Variants in RBFOX2 observed in about 807,000 individuals in gnomAD.
The protein encoded by RBFOX2 is RNA binding fox-1 homolog 2, also known as RNA binding protein fox-1 homolog 2.
Under a neutral mutation model 49.1 loss-of-function variants are expected in RBFOX2, and 10 were observed. The observed-to-expected ratio is 0.20, with a 90% CI of 0.13 to 0.35. The LOEUF (loss-of-function observed/expected upper bound fraction) is 0.35. Among genes scored for constraint, RBFOX2 ranks in the 10% least tolerant of loss-of-function variants. The probability of loss-of-function intolerance (pLI) is 1.00; values close to 1 mark genes in which losing one functional copy is unlikely to be tolerated. For synonymous variants in RBFOX2, 183 were observed against 187.4 expected (o/e 0.98, Z 0.19); for missense variants, 323 against 486.9 (o/e 0.66, Z 3.17).
chr22:35,820,296 T>A (rs534319437), intron 1 of RBFOX2, among the ~76,000 whole-genome samples: 5 of 152,324 alleles, frequency 3.3e-5, no homozygotes, highest in African/African-American at 1.2e-4. Flanking sequence ...TCAGCTGAGA[T>A]GAAGAGGGTT....
At chr22:35,942,482 A>G (rs1041799335), upstream of RBFOX2, among the ~76,000 whole-genome samples, 1 of 152,088 alleles carries the variant, frequency 6.6e-6, no homozygotes, top group Non-Finnish European at 1.5e-5. Context: ...AGGAAAAAAA[A>G]CCTCAGTTTC....
intron 1 of RBFOX2, among the ~76,000 whole-genome samples, chr22:35,858,293 C>G (rs1055194689): frequency 6.6e-6 from 1 of 152,120 alleles, no homozygotes; most frequent in Non-Finnish European, 1.5e-5. Context: ...TTGGTTTTGG[C>G]CTCTGTGCCT....
intron 1 of RBFOX2, among the ~76,000 whole-genome samples, chr22:35,849,467 T>C (rs2041650477): frequency 6.6e-6 from 1 of 152,200 alleles, no homozygotes; most frequent in Non-Finnish European, 1.5e-5. Context: ...AGCTAGGCTC[T>C]GAATGGTACC....
chr22:35,850,532 C>T (rs576409711), intron 1 of RBFOX2, among the ~76,000 whole-genome samples: 1 of 152,252 alleles, frequency 6.6e-6, no homozygotes, highest in East Asian at 1.9e-4. Flanking sequence ...TCCAGTCAAA[C>T]TTGGAAGGAT....
chr22:35,777,206 T>C (rs1602563091), intron 4 of RBFOX2, among the ~76,000 whole-genome samples: 2 of 152,134 alleles, frequency 1.3e-5, no homozygotes, highest in Non-Finnish European at 2.9e-5. Context: ...GAGACAGAGT[T>C]TCACCATGTT....
intron 1 of RBFOX2, among the ~76,000 whole-genome samples, chr22:35,948,328 C>T (rs1383632761): frequency 6.6e-6 from 1 of 152,072 alleles, no homozygotes; most frequent in Non-Finnish European, 1.5e-5. Context: ...TTTACAAATC[C>T]ACTTTGTTCT....
upstream of RBFOX2, among the ~76,000 whole-genome samples, chr22:35,843,291 C>T (rs564271919): frequency 6.6e-6 from 1 of 152,072 alleles, no homozygotes; most frequent in African/African-American, 2.4e-5. Context: ...AGGGTGGGCA[C>T]GATGAGATGT....
At chr22:35,810,683 C>G (rs1951701564) in intron 1 of RBFOX2, among the ~76,000 whole-genome samples, 1 of 151,982 alleles carries the variant, frequency 6.6e-6, no homozygotes, top group South Asian at 2.1e-4. Context: ...ATCAAATCAG[C>G]AAAAAAATTA....
exon 12 of RBFOX2, chr22:35,741,706 G>A (rs1930035839): frequency 6.5e-6 from 1 of 152,806 alleles, no homozygotes; most frequent in Non-Finnish European, 1.5e-5. Flanking sequence ...GCTTGCCTTT[G>A]GAGGCCTCAG....
chr22:35,749,162 G>A lies in RBFOX2; in HGVS notation c.888-2601C>T, dbSNP rs1446218168. Among the ~76,000 whole-genome samples the A allele has an allele frequency of 6.6e-6, 1 of 152,160 alleles. No homozygotes were observed. The highest frequency in any genetic ancestry group is 1.5e-5 in the Non-Finnish European group (1 of 68,020). ...TCTATCTGTAGCGGTTTCCTTCTTT[G>A]ATAAGTCAAGTCTGACTTTGAAGTT... On this transcript the variant is annotated intron_variant, in intron 9 of 11. Transcript: ENST00000405409. The surrounding 1 kb of genome is among the most constrained non-coding windows in gnomAD (Gnocchi z 4.1).
At chr22:35,793,036 T>A (rs1342089970) in intron 2 of RBFOX2, among the ~76,000 whole-genome samples, 1 of 152,176 alleles carries the variant, frequency 6.6e-6, no homozygotes, top group Admixed American at 6.5e-5. Flanking sequence ...GTTGCTGGGA[T>A]TACAGGTGCA....
intron 2 of RBFOX2, among the ~76,000 whole-genome samples, chr22:35,790,786 C>A (rs757676129): frequency 4.6e-5 from 7 of 152,190 alleles, no homozygotes; most frequent in Non-Finnish European, 8.8e-5. Context: ...TTCCAGCACT[C>A]TAGGAGGCCC....
At chr22:35,970,248 C>CA (rs1003387153) in intron 1 of RBFOX2, among the ~76,000 whole-genome samples, 7 of 152,164 alleles carry the variant, frequency 4.6e-5, no homozygotes, top group Admixed American at 2.0e-4. Context: ...AAAAATATCC[C>CA]AAAAAAATCA....
chr22:35,825,580 G>A (rs1446679639), intron 1 of RBFOX2, among the ~76,000 whole-genome samples: 1 of 152,222 alleles, frequency 6.6e-6, no homozygotes, highest in African/African-American at 2.4e-5. Flanking sequence ...TGCAATGAAT[G>A]TACTATTTGT....
At chr22:35,835,395 T>C (rs1424282814) in intron 1 of RBFOX2, among the ~76,000 whole-genome samples, 1 of 152,120 alleles carries the variant, frequency 6.6e-6, no homozygotes, top group Non-Finnish European at 1.5e-5. Context: ...AGGTAAGGAA[T>C]TACATGATGA....
chr22:35,816,112 C>A (rs1429460711), intron 1 of RBFOX2, among the ~76,000 whole-genome samples: 1 of 151,992 alleles, frequency 6.6e-6, no homozygotes, highest in Non-Finnish European at 1.5e-5. Flanking sequence ...CCAGGAAAAT[C>A]CAGATAAATA....
intron 1 of RBFOX2, among the ~76,000 whole-genome samples, chr22:35,891,280 C>T (rs1161106818): frequency 1.3e-5 from 2 of 152,076 alleles, no homozygotes; most frequent in Non-Finnish European, 2.9e-5. Context: ...ACTACAGGTG[C>T]GTGCCACCAT....
intron 1 of RBFOX2, among the ~76,000 whole-genome samples, chr22:36,027,447 C>T (rs888063645): frequency 3.9e-5 from 6 of 152,192 alleles, no homozygotes; most frequent in African/African-American, 1.4e-4. Context: ...TTCCCATTCC[C>T]TACCCAAATT....
intron 9 of RBFOX2, among the ~76,000 whole-genome samples, chr22:35,753,866 T>C (rs1287036711): frequency 1.5e-5 from 2 of 133,522 alleles, no homozygotes; most frequent in African/African-American, 5.5e-5. Context: ...CACTGCAACC[T>C]CTGCCTCCAG....
Sources: allele counts gnomAD v4.1 joint callset (sites outside exome capture counted in the v4.1 genomes callset), GRCh38; gene constraint gnomAD v4.1.1; non-coding constraint Gnocchi (gnomAD v3.1); transcripts MANE v1.5; gene names NCBI Gene and HGNC (gene_info 2026-07-23, HGNC 2026-07-21).